The following TRPA1 variants were observed in gnomAD, a reference collection of about 807,000 sequenced individuals.
TRPA1 encodes transient receptor potential cation channel subfamily A member 1.
In TRPA1, 129 loss-of-function variants were observed where a neutral mutation model predicts 131.3. That is an observed-to-expected ratio of 0.98 (90% CI 0.85 to 1.14). TRPA1 has a LOEUF of 1.14. Among genes scored for constraint, TRPA1 ranks in the 50% most tolerant of loss-of-function variants. The pLI is 0.00. For synonymous variants in TRPA1, 441 were observed against 451.7 expected (o/e 0.98, Z 0.30); for missense variants, 1,304 against 1,354.2 (o/e 0.96, Z 0.58).
chr8:72,030,715 T>C (rs961423015), intron 23 of TRPA1, among the ~76,000 whole-genome samples: 1 of 151,738 alleles, frequency 6.6e-6, no homozygotes, highest in South Asian at 2.1e-4. Flanking sequence ...TAGACAAGAG[T>C]GATTTAACAA....
At chr8:72,084,432 A>G in the TRPA1 span, among the ~76,000 whole-genome samples, 1 of 145,406 alleles carries the variant, frequency 6.9e-6, no homozygotes, top group South Asian at 2.2e-4. Flanking sequence ...TATTTCTTAG[A>G]GATTTGATTT....
At chr8:72,080,867 A>C in the TRPA1 span, among the ~76,000 whole-genome samples, 1 of 151,772 alleles carries the variant, frequency 6.6e-6, no homozygotes, top group African/African-American at 2.4e-5. Context: ...CAATTTAGTC[A>C]ATCAGTTTCT....
At chr8:72,069,252 C>T (rs1806001626) in intron 2 of TRPA1, 54 bp from the exon 3 acceptor site, 19 of 1,561,940 alleles carry the variant, frequency 1.2e-5, no homozygotes, top group South Asian at 1.1e-4. Flanking sequence ...GTATTCAACA[C>T]CTCCTGAGTG....
chr8:72,029,787 A>G, intron 24 of TRPA1, 114 bp downstream of exon 24: 1 of 1,008,782 alleles, frequency 9.9e-7, no homozygotes, highest in South Asian at 1.4e-5. Context: ...AGTAGTATAA[A>G]TTTATAACTG....
chr8:72,029,728 C>A (rs13264968), intron 24 of TRPA1, 173 bp downstream of exon 24: 36,835 of 721,722 alleles, frequency 0.051, 1,146 homozygotes, highest in Middle Eastern at 0.092. Flanking sequence ...GAACAGAACC[C>A]AGTCAGCCAC....
At chr8:72,047,295 G>A (rs2129434693) in intron 15 of TRPA1, 88 bp from the exon 16 acceptor site, 2 of 966,550 alleles carry the variant, frequency 2.1e-6, no homozygotes, top group Non-Finnish European at 3.3e-6. Context: ...TAATACACAA[G>A]ACATTCCCTT....
rs749473115 is a variant in TRPA1, at chr8:72,052,720, C to T, written c.1690G>A (p.Val564Ile). The change falls in exon 14 of 27, where the codon GTT becomes ATT. Residue 564 changes from valine to isoleucine, a missense_variant. Transcript: ENST00000262209. ...FAAREGHAKA[V>I]ALLLSHNADI... is the part of the protein sequence containing the mutation. ...GCATTGTGGCTCAGAAGAAGCGCAA[C>T]GGCTTTGGCGTGGCCTTCCCTTGCA... is the stretch of plus-strand genomic sequence containing the variant. The T allele has an allele frequency of 1.4e-5, 22 of 1,613,600 alleles. No individual in the cohort carries two copies. The highest frequency in any genetic ancestry group is 2.2e-5 in the South Asian group (2 of 91,064).
At chr8:72,089,947 C>T in the TRPA1 span, among the ~76,000 whole-genome samples, 1 of 151,984 alleles carries the variant, frequency 6.6e-6, no homozygotes, top group East Asian at 1.9e-4. Context: ...GGTATGCTTA[C>T]CTTTCTTCAT....
upstream of TRPA1, among the ~76,000 whole-genome samples, chr8:72,077,495 A>C (rs1806212376): frequency 6.6e-6 from 1 of 152,198 alleles, no homozygotes; most frequent in Non-Finnish European, 1.5e-5. Flanking sequence ...ACACTGAAAA[A>C]TACAGTTGGT....
At chr8:72,080,205 A>G (rs1806262297), upstream of TRPA1, among the ~76,000 whole-genome samples, 1 of 151,886 alleles carries the variant, frequency 6.6e-6, no homozygotes, top group Non-Finnish European at 1.5e-5. Flanking sequence ...GAGAGTGGAT[A>G]TCCTTACCTT....
At chr8:72,084,204 C>G in the TRPA1 span, among the ~76,000 whole-genome samples, 1 of 152,070 alleles carries the variant, frequency 6.6e-6, no homozygotes, top group African/African-American at 2.4e-5. Flanking sequence ...CAGCATTTGA[C>G]TGTATTTTTG....
chr8:72,053,007 A>AAGAGAGAGAG lies in TRPA1; in HGVS notation c.1645-252_1645-243dup, dbSNP rs57169742. 1,984 of 231,884 alleles carry AAGAGAGAGAG rather than the reference A, an allele frequency of 8.6e-3. 24 individuals carry two copies. The highest frequency in any genetic ancestry group is 0.04 in the Admixed American group (710 of 17,564). 14.4% of individuals were successfully genotyped at this position (231,884 alleles called of 1,614,324 possible). On this transcript the variant is annotated intron_variant, in intron 13 of 26. Coordinates refer to ENST00000262209, the MANE Select transcript of TRPA1 (RefSeq NM_007332.3). The stretch of plus-strand genomic sequence containing the variant: ...TGTGTGTGTGTGTGAGAGATAGAGA[A>AAGAGAGAGAG]AGAGAGAGAGAGAGAGAGAGAGAGA...
At chr8:72,043,819 A>T (rs1812338366) in intron 17 of TRPA1, among the ~76,000 whole-genome samples, 1 of 151,712 alleles carries the variant, frequency 6.6e-6, no homozygotes, top group Non-Finnish European at 1.5e-5. Flanking sequence ...TTTCATCAGC[A>T]CTCTATTACA....
At chr8:72,031,601 AAAACAAAAAAACAAAAAAC>A (rs1811821178) in intron 23 of TRPA1, among the ~76,000 whole-genome samples, 2 of 151,766 alleles carry the variant, frequency 1.3e-5, no homozygotes, top group South Asian at 4.2e-4. Context: ...AAACAAAAAA[AAAACAAAAAAACAAAAAAC>A]AAACAAACAA....
chr8:72,030,929 C>A (rs1219321314), intron 23 of TRPA1, among the ~76,000 whole-genome samples: 2 of 152,206 alleles, frequency 1.3e-5, no homozygotes, highest in African/African-American at 4.8e-5. Context: ...CATTTATTTT[C>A]TGGTACTTAG....
At chr8:72,033,461 G>C (rs202206893) in intron 23 of TRPA1, among the ~76,000 whole-genome samples, 183 bp downstream of exon 23, 3 of 152,130 alleles carry the variant, frequency 2.0e-5, no homozygotes, top group Admixed American at 6.5e-5. Flanking sequence ...ATCTTTGCAC[G>C]CCCTGAGCCT....
At chr8:72,023,758 A>G (rs957524) in intron 26 of TRPA1, 56 bp downstream of exon 26, 45,233 of 996,784 alleles carry the variant, frequency 0.045, 1,293 homozygotes, top group Middle Eastern at 0.096. Flanking sequence ...TACATTGTGC[A>G]TTATTATTTA....
intron 15 of TRPA1, among the ~76,000 whole-genome samples, chr8:72,049,895 G>C (rs954085161): frequency 2.0e-5 from 3 of 151,960 alleles, no homozygotes; most frequent in African/African-American, 7.2e-5. Flanking sequence ...CTAGGCACTG[G>C]AGCCCAATAT....
At chr8:72,051,367 C>T (rs1196427138) in intron 14 of TRPA1, among the ~76,000 whole-genome samples, 2 of 152,140 alleles carry the variant, frequency 1.3e-5, no homozygotes, top group African/African-American at 4.8e-5. Flanking sequence ...CCAGAACATT[C>T]CAGATTTTGC....
Sources: gnomAD v4.1 joint callset for allele counts (sites outside exome capture counted in the v4.1 genomes callset) on GRCh38, gnomAD v4.1.1 for gene constraint, MANE v1.5 for transcripts, NCBI Gene and HGNC (gene_info 2026-07-23, HGNC 2026-07-21) for gene names.